DLG5: variants seen among roughly 807,000 people sequenced by gnomAD.
The protein encoded by DLG5 is disks large homolog 5.
A neutral mutation model predicts 189.8 loss-of-function variants in DLG5; 48 were observed. The ratio of observed to expected loss-of-function variants is 0.25; its 90% CI spans 0.20 to 0.32. The LOEUF is 0.32. Among genes scored for constraint, DLG5 ranks in the 10% least tolerant of loss-of-function variants. DLG5 has a pLI of 1.00. For synonymous variants in DLG5, 1,016 were observed against 1,054.1 expected (o/e 0.96, Z 0.70); for missense variants, 2,160 against 2,544.7 (o/e 0.85, Z 3.25).
chr10:77,868,131 A>G (rs1317827529), intron 2 of DLG5: 1 of 454,884 alleles, frequency 2.2e-6, no homozygotes, highest in Non-Finnish European at 4.4e-6. Flanking sequence ...GTCCTCCAGA[A>G]CTGTGAGACA....
intron 1 of DLG5, among the ~76,000 whole-genome samples, chr10:77,886,384 C>CTTT (rs11408820): frequency 2.1e-5 from 3 of 143,954 alleles, no homozygotes; most frequent in East Asian, 2.1e-4. Context: ...AGTAATGTTG[C>CTTT]TTTTTTTTTT....
Position 77,869,131 on chromosome 10 carries a change from A to G in DLG5, c.371T>C (p.Val124Ala), listed in dbSNP as rs774314402. The G allele has an allele frequency of 6.2e-7, 1 of 1,613,666 alleles. No homozygotes were observed. The highest frequency in any genetic ancestry group is 1.1e-5 in the South Asian group (1 of 91,058). The change falls in exon 2 of 32, where the codon GTG (valine) becomes GCG (alanine). Residue 124 changes from valine to alanine, a missense_variant and splice_region_variant. Transcript: ENST00000372391. Reference protein sequence around the residue: ...DSESSSSLSSVGTTGKAPSPP... With the variant: ...DSESSSSLSSAGTTGKAPSPP... ...CCTCCCCAGACAGTGGTACTCACCC[A>G]CACTGCTGAGGGAGCTGCTGCTTTC...
Position 77,821,664 on chromosome 10 carries a change from G to A in DLG5, c.2820C>T (p.Gly940=). The change falls in exon 15 of 32, where the codon GGC becomes GGT. Residue 940 remains glycine, a synonymous_variant. Coordinates refer to ENST00000372391, the MANE Select transcript of DLG5 (RefSeq NM_004747.4). ...EASLDKADSE[G]SNSGGTWPKA... ...TGGGCCAGGTCCCGCCGCTGTTGGA[G>A]CCTTCAGAGTCTGCCTTGTCCAGGG... 3 of 1,613,110 alleles carry A rather than the reference G, an allele frequency of 1.9e-6. No homozygotes were observed. The highest frequency in any genetic ancestry group is 1.1e-5 in the South Asian group (1 of 91,070).
intron 7 of DLG5, 112 bp from the exon 8 acceptor site, chr10:77,836,034 G>A (rs945926941): frequency 1.7e-6 from 2 of 1,146,058 alleles, no homozygotes; most frequent in African/African-American, 1.6e-5. Context: ...TGGATGGAGG[G>A]AAACACGGAG....
chr10:77,826,751 C>T (rs966156074), intron 13 of DLG5, among the ~76,000 whole-genome samples: 2 of 152,210 alleles, frequency 1.3e-5, no homozygotes, highest in Non-Finnish European at 2.9e-5. Context: ...AGCTCGAGAC[C>T]AGGCTGGCCA....
At chr10:77,833,776 G>C in intron 9 of DLG5, 138 bp downstream of exon 9, 1 of 1,250,376 alleles carries the variant, frequency 8.0e-7, no homozygotes, top group South Asian at 1.4e-5. Context: ...GCAGAGTGAA[G>C]TGAAGGGACA....
chr10:77,804,239 A>G (rs1215009953), intron 27 of DLG5, among the ~76,000 whole-genome samples: 2 of 152,238 alleles, frequency 1.3e-5, no homozygotes, highest in Non-Finnish European at 2.9e-5. Flanking sequence ...TAGGCTTTGA[A>G]GGCAAAACGG....
chr10:77,867,360 T>C (rs1589234950), intron 2 of DLG5, among the ~76,000 whole-genome samples: 1 of 152,180 alleles, frequency 6.6e-6, no homozygotes, highest in Non-Finnish European at 1.5e-5. Context: ...TAGACAGATA[T>C]TGGTGAAGGG....
intron 1 of DLG5, among the ~76,000 whole-genome samples, chr10:77,876,865 T>C (rs905827533): frequency 4.3e-5 from 6 of 139,082 alleles, no homozygotes; most frequent in African/African-American, 1.5e-4. Context: ...CCGAGCTCTC[T>C]GTCCATTCTT....
chr10:77,864,365 G>T (rs754368390), intron 2 of DLG5, among the ~76,000 whole-genome samples: 3 of 152,186 alleles, frequency 2.0e-5, no homozygotes, highest in African/African-American at 4.8e-5. Flanking sequence ...GCAAAGCAGT[G>T]GCAGAGCACA....
At chr10:77,838,882 A>G (rs1165375435) in intron 7 of DLG5, among the ~76,000 whole-genome samples, 2 of 152,230 alleles carry the variant, frequency 1.3e-5, no homozygotes, top group Non-Finnish European at 2.9e-5. Context: ...CAACTTGAGA[A>G]GGAGCTGAGG....
intron 5 of DLG5, among the ~76,000 whole-genome samples, chr10:77,852,705 C>T (rs1683088566): frequency 6.6e-6 from 1 of 152,174 alleles, no homozygotes; most frequent in South Asian, 2.1e-4. Context: ...GCCACCGCAC[C>T]CAGCCTTGTC....
At chr10:77,896,376 C>T (rs1845759548) in intron 1 of DLG5, among the ~76,000 whole-genome samples, 1 of 152,138 alleles carries the variant, frequency 6.6e-6, no homozygotes, top group Non-Finnish European at 1.5e-5. Context: ...ATAATTGCAT[C>T]AGTGCTGAGG....
At chr10:77,885,207 G>C (rs561318982) in intron 1 of DLG5, among the ~76,000 whole-genome samples, 2 of 152,288 alleles carry the variant, frequency 1.3e-5, no homozygotes, top group South Asian at 4.1e-4. Flanking sequence ...CCCTCAGCTA[G>C]AGCATGAGCC....
intron 7 of DLG5, among the ~76,000 whole-genome samples, chr10:77,837,679 G>A (rs1843213431): frequency 6.6e-6 from 1 of 152,214 alleles, no homozygotes; most frequent in African/African-American, 2.4e-5. Context: ...CACTGGTGAG[G>A]AACCGCAGGA....
chr10:77,927,894 G>C (rs752143925), upstream of DLG5: 1 of 152,212 alleles, frequency 6.6e-6, no homozygotes, highest in Non-Finnish European at 1.5e-5. Context: ...CTGTAGAGTG[G>C]GAACCCAGGT....
chr10:77,816,775 T>C, intron 19 of DLG5, 74 bp from the exon 20 acceptor site: 1 of 1,547,714 alleles, frequency 6.5e-7, no homozygotes, highest in Non-Finnish European at 8.7e-7. Context: ...AAGAGGCAGG[T>C]GCGATCCAGA....
At position 77,825,365 on chromosome 10, in the gene DLG5, C is replaced by G. The variant is rs535417670; in HGVS notation, c.2290-889G>C. On this transcript the variant is annotated intron_variant, in intron 13 of 31. Transcript: ENST00000372391. ...TTACACAGAACAACATGTGTTTAAC[C>G]ACACACAACCACACACACACACACA... Among the ~76,000 whole-genome samples the G allele has an allele frequency of 3.6e-4, 46 of 126,276 alleles. 1 individual carries two copies. The East Asian group carries it at 0.011, about 30-fold the overall frequency. 82.8% of individuals were successfully genotyped at this position (126,276 alleles called of 152,430 possible).
intron 1 of DLG5, among the ~76,000 whole-genome samples, chr10:77,870,686 GA>G (rs1180586558): frequency 7.1e-6 from 1 of 140,318 alleles, no homozygotes; most frequent in Non-Finnish European, 1.5e-5. Flanking sequence ...TCCTGTCTCA[GA>G]AAAAAAAAAC....
Sources: allele counts gnomAD v4.1 joint callset (sites outside exome capture counted in the v4.1 genomes callset), GRCh38; gene constraint gnomAD v4.1.1; transcripts MANE v1.5; gene names NCBI Gene and HGNC (gene_info 2026-07-23, HGNC 2026-07-21).